LRRC40: variants seen among roughly 807,000 people sequenced by gnomAD.
LRRC40 encodes the protein leucine-rich repeat-containing protein 40.
A neutral mutation model predicts 72.8 loss-of-function variants in LRRC40; 76 were observed. The observed-to-expected ratio is 1.04, with a 90% CI of 0.87 to 1.26. The LOEUF (loss-of-function observed/expected upper bound fraction) is 1.26. Among genes scored for constraint, LRRC40 ranks in the 50% most tolerant of loss-of-function variants. The probability of loss-of-function intolerance (pLI) is 0.00; values close to 1 mark genes in which losing one functional copy is unlikely to be tolerated. For missense variants in LRRC40, 684 were observed against 698.9 expected, an observed-to-expected ratio of 0.98 and a Z score of 0.24; for synonymous variants, 243 against 254.2, an observed-to-expected ratio of 0.96 and a Z score of 0.42.
chr1:70,160,973 G>A (rs1053174514), intron 9 of LRRC40, among the ~76,000 whole-genome samples: 1 of 151,286 alleles, frequency 6.6e-6, no homozygotes, highest in Non-Finnish European at 1.5e-5. Flanking sequence ...ACGAATAGAA[G>A]ATCCTATAGG....
rs577565162 is a variant in LRRC40, at chr1:70,149,965, G to A, written c.1517+1163C>T. Among the ~76,000 whole-genome samples, 5 of 152,092 alleles carry A rather than the reference G, an allele frequency of 3.3e-5. No individual in the cohort carries two copies. In the East Asian group the frequency reaches 9.6e-4, roughly 29 times the overall value. On this transcript the variant is annotated intron_variant, in intron 13 of 14. Transcript: ENST00000370952. ...AGACAGAGTCTTGCTCTGTCGCCTA[G>A]GCTGGAGTGCAGTGACGCAATCCTG...
chr1:70,156,690 G>A (rs1291033585), intron 10 of LRRC40, among the ~76,000 whole-genome samples: 1 of 152,114 alleles, frequency 6.6e-6, no homozygotes, highest in African/African-American at 2.4e-5. Context: ...TGACTACTAA[G>A]TGACTAAGGA....
At chr1:70,160,188 A>G (rs191997728) in intron 9 of LRRC40, among the ~76,000 whole-genome samples, 28 of 152,366 alleles carry the variant, frequency 1.8e-4, no homozygotes, top group African/African-American at 6.0e-4. Context: ...ACAATGTGAA[A>G]ACGATGAAAC....
chr1:70,194,512 A>C (rs1201182030), intron 1 of LRRC40, among the ~76,000 whole-genome samples: 2 of 152,108 alleles, frequency 1.3e-5, no homozygotes, highest in African/African-American at 4.8e-5. Flanking sequence ...TCCCCAAGTG[A>C]CTTATAGATT....
chr1:70,147,591 C>T (rs1339502901), intron 14 of LRRC40, among the ~76,000 whole-genome samples: 10 of 152,240 alleles, frequency 6.6e-5, no homozygotes, highest in African/African-American at 2.4e-4. Flanking sequence ...GTATTTCCCC[C>T]AGAAGCAATA....
At chr1:70,161,157 G>A (rs905853022) in intron 9 of LRRC40, among the ~76,000 whole-genome samples, 6 of 150,706 alleles carry the variant, frequency 4.0e-5, no homozygotes, top group South Asian at 2.1e-4. Flanking sequence ...GCGCGATCTC[G>A]CACGGCAAGC....
At chr1:70,197,673 T>C (rs1313182924) in intron 1 of LRRC40, among the ~76,000 whole-genome samples, 1 of 149,334 alleles carries the variant, frequency 6.7e-6, no homozygotes, top group African/African-American at 2.5e-5. Context: ...GACTCACAAA[T>C]GGGTTGATCA....
chr1:70,146,493 C>G (rs1227840795), intron 14 of LRRC40, among the ~76,000 whole-genome samples: 1 of 152,074 alleles, frequency 6.6e-6, no homozygotes, highest in Non-Finnish European at 1.5e-5. Flanking sequence ...ATGTAAGTAC[C>G]ATTAATAGTT....
rs753848102 is a variant in LRRC40 at position 70,148,666 on chromosome 1, T to A, written c.1524A>T (p.Lys508Asn). The A allele has an allele frequency of 5.3e-5, 84 of 1,599,572 alleles. 1 individual carries two copies. In the South Asian group the frequency reaches 8.8e-4, roughly 17 times the overall value. Reference protein sequence around the residue: ...QTINLSFNRFKMLPEVLYRIF... With the variant: ...QTINLSFNRFNMLPEVLYRIF... Reference sequence around the variant, plus strand: ...TACGATATAGAACTTCAGGTAGCATTTTAAACCTATTAATACATGAACAGA... The same window carrying A: ...TACGATATAGAACTTCAGGTAGCATATTAAACCTATTAATACATGAACAGA... Residue 508 changes from lysine to asparagine, a missense_variant, in exon 14 of 15, where the codon AAA becomes AAT. Coordinates refer to ENST00000370952, the MANE Select transcript of LRRC40 (RefSeq NM_017768.5).
chr1:70,160,743 CTG>C (rs1482176651), intron 9 of LRRC40, among the ~76,000 whole-genome samples: 2 of 151,972 alleles, frequency 1.3e-5, no homozygotes, highest in Admixed American at 1.3e-4. Context: ...TCTATTGTCT[CTG>C]GGGAGAAGAC....
Position 70,205,476 on chromosome 1 carries a change from T to A in LRRC40, c.65A>T (p.Asp22Val). ...CCCTTGGGGTACCGAGGTACCGCAGTCTCTTCCACCTGCTTTGAAACCAGC... is the reference window on the plus strand; with the variant it reads ...CCCTTGGGGTACCGAGGTACCGCAGACTCTTCCACCTGCTTTGAAACCAGC... ...LRAGFKAGGR[D>V]CGTSVPQGLL... is the part of the protein sequence containing the mutation. Residue 22 changes from aspartate (D) to valine (V), a missense_variant, in exon 1 of 15, where the codon GAC (aspartate) becomes GTC (valine). Physicochemically the swap from Asp to Val is radical, Grantham distance 152. Coordinates refer to ENST00000370952, the MANE Select transcript of LRRC40 (RefSeq NM_017768.5). The A allele has an allele frequency of 6.2e-7, 1 of 1,610,340 alleles. No homozygotes were observed. The highest frequency in any genetic ancestry group is 8.5e-7 in the Non-Finnish European group (1 of 1,176,910).
chr1:70,171,164 G>A (rs978096247), intron 9 of LRRC40, among the ~76,000 whole-genome samples: 11 of 151,944 alleles, frequency 7.2e-5, no homozygotes, highest in Non-Finnish European at 1.5e-4. Context: ...ACAAAACAAT[G>A]AAATTGAACC....
At chr1:70,152,319 A>C (rs1307846180) in intron 12 of LRRC40, 114 bp downstream of exon 12, 2 of 594,768 alleles carry the variant, frequency 3.4e-6, no homozygotes, top group African/African-American at 3.8e-5. Context: ...TTAATAAATA[A>C]AGGCCAGTTT....
Position 70,151,167 on chromosome 1 carries a change from G to C in LRRC40, c.1478C>G (p.Ser493Ter). Reference protein sequence around the residue: ...FLNSLPEEMESLVRLQTINLS... With the variant: ...FLNSLPEEME ...ATTGATCGTTTGCAGTCTTACCAGT[G>C]ATTCCATTTCTTCTGGCAAAGAATT... Residue 493 changes from serine to a stop codon, truncating the protein, a stop_gained, in exon 13 of 15, where the codon TCA becomes TGA. Coordinates refer to ENST00000370952, the MANE Select transcript of LRRC40 (RefSeq NM_017768.5). LOFTEE classifies it high-confidence loss of function. The C allele has an allele frequency of 6.3e-7, 1 of 1,589,214 alleles. No individual in the cohort carries two copies. The highest frequency in any genetic ancestry group is 1.1e-5 in the South Asian group (1 of 89,824).
Position 70,175,889 on chromosome 1 carries a change from T to C in LRRC40, c.898A>G (p.Lys300Glu), listed in dbSNP as rs372691101. The C allele has an allele frequency of 1.7e-5, 28 of 1,604,002 alleles. No homozygotes were observed. The highest frequency in any genetic ancestry group is 2.2e-5 in the Non-Finnish European group (26 of 1,176,402). Residue 300 changes from lysine (K) to glutamate (E), a missense_variant, in exon 7 of 15, where the codon AAG (lysine) becomes GAG (glutamate). By Grantham distance (56) the Lys-to-Glu change is moderately conservative. Coordinates refer to ENST00000370952, the MANE Select transcript of LRRC40 (RefSeq NM_017768.5). The part of the protein sequence containing the change: ...SILVLDLRDN[K>E]LKSVPDEIIL... ...ATTTCATCTGGAACAGATTTTAACT[T>C]GTTATCCCTCAGGTCTAGCACAAGA...
chr1:70,157,480 G>A (rs3767211), intron 10 of LRRC40, among the ~76,000 whole-genome samples: 13,479 of 152,190 alleles, frequency 0.089, 690 homozygotes, highest in South Asian at 0.19. Context: ...TGTGATATCT[G>A]TGCCTTTAAG....
rs556686967 is a variant in LRRC40, at chr1:70,164,005, G to A, written c.1112-4567C>T. On this transcript the variant is annotated intron_variant, in intron 9 of 14. Coordinates refer to ENST00000370952, the MANE Select transcript of LRRC40 (RefSeq NM_017768.5). The stretch of plus-strand genomic sequence containing the variant: ...ATCAAGGCCCAGCATTTGGTCTCTG[G>A]TGGGGGCGCTCTTGCTGTGTCCTCA... Among the ~76,000 whole-genome samples, 3 of 152,280 alleles carry A rather than the reference G, an allele frequency of 2.0e-5. No homozygotes were observed. In the South Asian group the frequency reaches 6.2e-4, roughly 32 times the overall value.
chr1:70,151,052 T>C, intron 13 of LRRC40, 76 bp downstream of exon 13: 1 of 797,984 alleles, frequency 1.3e-6, no homozygotes, highest in Non-Finnish European at 2.0e-6. Flanking sequence ...TTTTGTTTTT[T>C]TGGCTTTTGT....
chr1:70,150,814 T>C (rs892544073), intron 13 of LRRC40, among the ~76,000 whole-genome samples: 3 of 152,206 alleles, frequency 2.0e-5, no homozygotes. Flanking sequence ...CTATCTCCTC[T>C]ACCTTAAAGT....
Sources: allele counts gnomAD v4.1 joint callset (sites outside exome capture counted in the v4.1 genomes callset), GRCh38; gene constraint gnomAD v4.1.1; transcripts MANE v1.5; gene names NCBI Gene and HGNC (gene_info 2026-07-23, HGNC 2026-07-21).